The following ZNF562 variants were observed in gnomAD, a reference collection of about 807,000 sequenced individuals.
ZNF562 encodes the protein zinc finger protein 562.
ZNF562 carries 13 observed loss-of-function variants against 17.5 expected under a neutral mutation model. The ratio of observed to expected loss-of-function variants is 0.74; its 90% CI spans 0.48 to 1.18. The LOEUF (loss-of-function observed/expected upper bound fraction) is 1.18. Among genes scored for constraint, ZNF562 ranks in the 50% most tolerant of loss-of-function variants. The pLI, the probability that ZNF562 is intolerant of heterozygous loss-of-function variation, is 0.00. For synonymous variants in ZNF562, 163 were observed against 165.4 expected (o/e 0.99, Z 0.11); for missense variants, 481 against 498.5 (o/e 0.96, Z 0.33).
At chr19:9,673,570 T>C (rs897265029) in intron 1 of ZNF562, among the ~76,000 whole-genome samples, 1 of 152,108 alleles carries the variant, frequency 6.6e-6, no homozygotes, top group African/African-American at 2.4e-5. Context: ...AGTGCTGTGA[T>C]TACAGGTGTG....
intron 1 of ZNF562, among the ~76,000 whole-genome samples, chr19:9,663,323 A>G (rs958838557): frequency 4.0e-5 from 6 of 150,890 alleles, no homozygotes; most frequent in African/African-American, 1.5e-4. Flanking sequence ...AGGCAGGAGA[A>G]TGGCATGAAC....
chr19:9,663,335 C>T (rs1012280137), intron 1 of ZNF562, among the ~76,000 whole-genome samples: 1 of 150,386 alleles, frequency 6.6e-6, no homozygotes, highest in Non-Finnish European at 1.5e-5. Context: ...GGCATGAACC[C>T]AGGAGGTGGA....
At chr19:9,655,703 A>G (rs973319356) in intron 5 of ZNF562, among the ~76,000 whole-genome samples, 4 of 111,254 alleles carry the variant, frequency 3.6e-5, no homozygotes, top group African/African-American at 1.4e-4. Flanking sequence ...TACAGGATTC[A>G]CTTTCTTTTC....
rs1339374631 is a variant in ZNF562, at chr19:9,658,118, A to G, written c.132T>C (p.Asp44=). Residue 44 remains aspartate, a synonymous_variant, in exon 4 of 6, where the codon GAT becomes GAC. Transcript: ENST00000453372. ...SNSYQDSVTF[D]DVAVEFTPEE... ...CTGGGGTGAACTCCACAGCCACATCATCAAACGTCACTGAATCCTAAGTCA... is the reference window on the plus strand; with the variant it reads ...CTGGGGTGAACTCCACAGCCACATCGTCAAACGTCACTGAATCCTAAGTCA... 39 of 1,613,458 alleles carry G rather than the reference A, an allele frequency of 2.4e-5. No homozygotes were observed. Among genetic ancestry groups the G allele is most frequent in the Non-Finnish European group, 3.1e-5 (37 of 1,179,754 alleles).
chr19:9,662,400 C>A (rs2043784950), intron 1 of ZNF562, among the ~76,000 whole-genome samples: 1 of 151,740 alleles, frequency 6.6e-6, no homozygotes, highest in Non-Finnish European at 1.5e-5. Flanking sequence ...ATGGCAAAAC[C>A]CTGTCTCTAC....
chr19:9,657,966 C>G (rs2043578276), intron 4 of ZNF562, 43 bp downstream of exon 4: 3 of 1,582,358 alleles, frequency 1.9e-6, no homozygotes, highest in African/African-American at 1.3e-5. Flanking sequence ...TCTGGGACTA[C>G]AGGTGCAGGC....
Position 9,652,894 on chromosome 19 carries a change from A to T in ZNF562, c.*55T>A. On this transcript the variant is annotated 3_prime_UTR_variant, in exon 6 of 6. Transcript: ENST00000453372. ...TACATACAAAAGGTTTCTCTCTGGT[A>T]GGAGTTCACAGGTGGGGTGAGGAAT... 1 of 1,434,846 alleles carries T rather than the reference A, an allele frequency of 7.0e-7. No homozygotes were observed. 88.9% of individuals were successfully genotyped at this position (1,434,846 alleles called of 1,614,324 possible). A position where few individuals can be genotyped will look rare whatever the true frequency, so the allele number is the denominator to read the frequency against.
chr19:9,657,448 A>T (rs2043547416), intron 4 of ZNF562, among the ~76,000 whole-genome samples: 1 of 151,840 alleles, frequency 6.6e-6, no homozygotes, highest in Non-Finnish European at 1.5e-5. Context: ...AAAAAACAGA[A>T]CTGGTAGTTT....
At position 9,670,827 on chromosome 19, in the gene ZNF562, G is replaced by A. The variant is rs891513581; in HGVS notation, c.-131+4188C>T. Among the ~76,000 whole-genome samples the A allele has an allele frequency of 2.0e-4, 30 of 151,910 alleles. 1 individual carries two copies. The highest frequency in any genetic ancestry group is 4.2e-4 in the South Asian group (2 of 4,810). On this transcript the variant is annotated intron_variant, in intron 1 of 5. Transcript: ENST00000453372. ...AACCTGTCCAATATGGTAAAACCCC[G>A]TCTCTACTAAAACTACAAAAATTAG...
Position 9,641,826 on chromosome 19 carries a change from G to A in ZNF562, c.*11123C>T, listed in dbSNP as rs1243098160. The stretch of plus-strand genomic sequence containing the variant: ...GCTTTGTGCGAGCAACAATGGCTGT[G>A]TATTACATCCGGATGTGGATGGGCT... On this transcript the variant is annotated 3_prime_UTR_variant, in exon 6 of 6. Transcript: ENST00000453372. The A allele has an allele frequency of 6.6e-6, 1 of 152,212 alleles. No homozygotes were observed. The highest frequency in any genetic ancestry group is 1.5e-5 in the Non-Finnish European group (1 of 68,056). 9.4% of individuals were successfully genotyped at this position (152,212 alleles called of 1,614,324 possible).
In ZNF562 at chr19:9,653,340, A is replaced by G; in HGVS notation, c.890T>C (p.Phe297Ser). ...AACATTAAAGGATGAGGAATTTCTA[A>G]AGGATCTTCCACATTCTTTACATTC... ...SFECKECGRS[F>S]RNSSSFNVHI... Residue 297 changes from phenylalanine (F) to serine (S), a missense_variant, in exon 6 of 6, where the codon TTT (phenylalanine) becomes TCT (serine). Transcript: ENST00000453372. The G allele has an allele frequency of 6.2e-7, 1 of 1,614,010 alleles. No individual in the cohort carries two copies. The highest frequency in any genetic ancestry group is 8.5e-7 in the Non-Finnish European group (1 of 1,179,944).
rs2145000651 is a variant in ZNF562 at position 9,660,863 on chromosome 19, T to A, written c.-119A>T. On this transcript the variant is annotated 5_prime_UTR_variant, in exon 2 of 6. Coordinates refer to ENST00000453372, the MANE Select transcript of ZNF562 (RefSeq NM_001130031.2). ...AATCTCCATTCCCCTTTGTACAGGG[T>A]TATCTGAGGCCCTGTTCATACCAAT... 1.0e-6 allele frequency: 1 copy of A among 966,770 alleles called. No homozygotes were observed. Among genetic ancestry groups the A allele is most frequent in the Non-Finnish European group, 1.6e-6 (1 of 635,916 alleles). The allele number at this position is 966,770 out of a possible 1,614,324, so 59.9% of individuals were successfully genotyped here.
intron 1 of ZNF562, among the ~76,000 whole-genome samples, chr19:9,669,931 G>A (rs530351395): frequency 3.9e-4 from 59 of 152,012 alleles, no homozygotes; most frequent in East Asian, 9.7e-4. Context: ...GCATGGTGGC[G>A]TGCACCTGTA....
intron 1 of ZNF562, among the ~76,000 whole-genome samples, chr19:9,664,271 G>A (rs1029093468): frequency 4.6e-5 from 7 of 152,240 alleles, no homozygotes; most frequent in East Asian, 1.9e-4. Flanking sequence ...GTTTCTCCAC[G>A]TTGGTCTGGA....
Position 9,653,169 on chromosome 19 carries a change from G to C in ZNF562, c.1061C>G (p.Thr354Ser). 1 of 1,613,898 alleles carries C rather than the reference G, an allele frequency of 6.2e-7. No individual in the cohort carries two copies. The highest frequency in any genetic ancestry group is 8.5e-7 in the Non-Finnish European group (1 of 1,179,904). Residue 354 changes from threonine (T) to serine (S), a missense_variant, in exon 6 of 6, where the codon ACT (threonine) becomes AGT (serine). Around this residue, in one of 2 missense-constraint regions of ZNF562, gnomAD observed 78 missense variants for 112.0 expected, o/e 0.70. Coordinates refer to ENST00000453372, the MANE Select transcript of ZNF562 (RefSeq NM_001130031.2). ...GTGTATAGCAAGGCCCGTGTACTGA[G>C]TGAAGGCTTGGCCACATTCCTTACA... Reference protein sequence around the residue: ...YECKECGQAFTQYTGLAIHIR... With the variant: ...YECKECGQAFSQYTGLAIHIR...
In ZNF562 at chr19:9,647,953, C is replaced by G. The variant is rs1366269337; in HGVS notation, c.*4996G>C. 6.6e-6 allele frequency: 1 copy of G among 152,152 alleles called. No homozygotes were observed. Among genetic ancestry groups the G allele is most frequent in the African/African-American group, 2.4e-5 (1 of 41,424 alleles). The allele number at this position is 152,152 out of a possible 1,614,324, so 9.4% of individuals were successfully genotyped here. On this transcript the variant is annotated 3_prime_UTR_variant, in exon 6 of 6. Transcript: ENST00000453372. The stretch of plus-strand genomic sequence containing the variant: ...TAGAGATGTGGTTTCGCTATGTTGC[C>G]CAGGCTGGTTTGAACTCCTTGGCTC...
Position 9,672,202 on chromosome 19 carries a change from T to C in ZNF562, c.-131+2813A>G, listed in dbSNP as rs764823226. Among the ~76,000 whole-genome samples, 23 of 152,192 alleles carry C rather than the reference T, an allele frequency of 1.5e-4. 1 individual carries two copies. The highest frequency in any genetic ancestry group is 2.5e-4 in the Non-Finnish European group (17 of 68,034). ...TTGCAATGCAAAAATCTTGAATGGA[T>C]CTTAGATCCAAAAACACCCAAGAGC... On this transcript the variant is annotated intron_variant, in intron 1 of 5. Coordinates refer to ENST00000453372, the MANE Select transcript of ZNF562 (RefSeq NM_001130031.2).
In ZNF562 at chr19:9,653,891, G is replaced by A. The variant is rs1270292065; in HGVS notation, c.349-10C>T. On this transcript the variant is annotated splice_polypyrimidine_tract_variant and intron_variant, in intron 5 of 5. Transcript: ENST00000453372. ...TGTAGCTTCTTGTCTGCTGATGAGG[G>A]GATAAAGGATTTAAAATGTTTTCAG... The A allele has an allele frequency of 9.9e-6, 15 of 1,518,032 alleles. No individual in the cohort carries two copies. Among genetic ancestry groups the A allele is most frequent in the African/African-American group, 1.4e-5 (1 of 71,810 alleles). 94.0% of individuals were successfully genotyped at this position (1,518,032 alleles called of 1,614,324 possible). A position where few individuals can be genotyped will look rare whatever the true frequency, so the allele number is the denominator to read the frequency against.
rs1456283402 is a variant in ZNF562, at chr19:9,651,820, T to A, written c.*1129A>T. 1.3e-5 allele frequency: 2 copies of A among 150,874 alleles called. No individual in the cohort carries two copies. The highest frequency in any genetic ancestry group is 1.3e-4 in the Admixed American group (2 of 15,148). 9.3% of individuals were successfully genotyped at this position (150,874 alleles called of 1,614,324 possible). ...TATGTGGGTCAAACTCTGTTCAAGC[T>A]CAGCTCTGAAGGCTGTGAGCCCCGA... On this transcript the variant is annotated 3_prime_UTR_variant, in exon 6 of 6. Coordinates refer to ENST00000453372, the MANE Select transcript of ZNF562 (RefSeq NM_001130031.2).
Sources: gnomAD v4.1 joint callset for allele counts (sites outside exome capture counted in the v4.1 genomes callset) on GRCh38, gnomAD v4.1.1 for gene constraint, gnomAD v4.1.1 regional missense constraint, MANE v1.5 for transcripts, NCBI Gene and HGNC (gene_info 2026-07-23, HGNC 2026-07-21) for gene names.